The following RBM33 variants were observed in gnomAD, a reference collection of about 807,000 sequenced individuals.
The protein encoded by RBM33 is RNA binding motif protein 33.
Under a neutral mutation model 132.6 loss-of-function variants are expected in RBM33, and 28 were observed. The ratio of observed to expected loss-of-function variants is 0.21; its 90% CI spans 0.16 to 0.29. The LOEUF (loss-of-function observed/expected upper bound fraction) is 0.29. RBM33 is among the 10% of genes least tolerant of loss of function. RBM33 has a pLI of 1.00. For synonymous variants in RBM33, 634 were observed against 593.0 expected (o/e 1.07, Z -1.01); for missense variants, 1,291 against 1,518.5 (o/e 0.85, Z 2.49).
chr7:155,696,951 G>A (rs1047158129), intron 5 of RBM33, among the ~76,000 whole-genome samples: 2 of 152,134 alleles, frequency 1.3e-5, no homozygotes, highest in African/African-American at 2.4e-5. Context: ...TTGAGGTTGT[G>A]GATTTTGGAA....
At chr7:155,773,162 T>C (rs1802486091) in intron 16 of RBM33, among the ~76,000 whole-genome samples, 1 of 152,216 alleles carries the variant, frequency 6.6e-6, no homozygotes, top group Non-Finnish European at 1.5e-5. Flanking sequence ...GAACAGAAGC[T>C]CAGACACAGC....
At chr7:155,758,317 G>A (rs895712482) in intron 14 of RBM33, among the ~76,000 whole-genome samples, 4 of 152,176 alleles carry the variant, frequency 2.6e-5, no homozygotes, top group Admixed American at 6.5e-5. Context: ...CAACCTTACT[G>A]GCACCAGGGA....
chr7:155,645,581 GT>G (rs1193060630), intron 1 of RBM33, among the ~76,000 whole-genome samples: 2 of 152,118 alleles, frequency 1.3e-5, no homozygotes, highest in African/African-American at 2.4e-5. Flanking sequence ...AGTTTTTCTT[GT>G]TTGCAAGCAT....
chr7:155,647,527 C>T (rs1294833177), intron 1 of RBM33, among the ~76,000 whole-genome samples: 2 of 152,046 alleles, frequency 1.3e-5, no homozygotes, highest in Non-Finnish European at 2.9e-5. Flanking sequence ...GACTCCTGGG[C>T]TCAGTTGATT....
intron 14 of RBM33, among the ~76,000 whole-genome samples, chr7:155,746,026 GGGACCGCCTTTGCA>G (rs1230784654): frequency 2.6e-5 from 4 of 152,188 alleles, no homozygotes; most frequent in Non-Finnish European, 4.4e-5. Context: ...ATAACCTCAT[GGGACCGCCTTTGCA>G]GGTGTCGCCC....
At chr7:155,661,097 GGTGT>G (rs59345780) in intron 1 of RBM33, among the ~76,000 whole-genome samples, 11,027 of 109,684 alleles carry the variant, frequency 0.1, 910 homozygotes, top group African/African-American at 0.19. Context: ...GTGTGTGTGT[GGTGT>G]GTGTGTGTGT....
chr7:155,716,230 T>C (rs1800456246), intron 8 of RBM33, among the ~76,000 whole-genome samples: 1 of 151,556 alleles, frequency 6.6e-6, no homozygotes, highest in Non-Finnish European at 1.5e-5. Flanking sequence ...ATCTCTTGGG[T>C]GGGCCAGGTG....
intron 4 of RBM33, 29 bp from the exon 5 acceptor site, chr7:155,680,561 C>CTTTTT: frequency 1.8e-6 from 2 of 1,097,526 alleles, no homozygotes; most frequent in Non-Finnish European, 1.2e-6. Flanking sequence ...TCATTGGGTG[C>CTTTTT]TTTTTTTTTT....
intron 9 of RBM33, among the ~76,000 whole-genome samples, chr7:155,735,614 C>T (rs188343679): frequency 6.6e-6 from 1 of 152,168 alleles, no homozygotes; most frequent in Admixed American, 6.5e-5. Context: ...GGAAGGATCC[C>T]TTGAGCCAAG....
At chr7:155,658,305 T>C (rs952001510) in intron 1 of RBM33, among the ~76,000 whole-genome samples, 3 of 152,172 alleles carry the variant, frequency 2.0e-5, no homozygotes, top group Admixed American at 6.5e-5. Flanking sequence ...GCGTGAAATA[T>C]CTTTTTCCAT....
chr7:155,758,532 C>A (rs1801925130), intron 14 of RBM33, among the ~76,000 whole-genome samples: 2 of 152,190 alleles, frequency 1.3e-5, no homozygotes, highest in African/African-American at 4.8e-5. Flanking sequence ...GGAGCTTAGG[C>A]AGTAATGCTT....
intron 14 of RBM33, among the ~76,000 whole-genome samples, chr7:155,746,930 G>A (rs1221749902): frequency 1.3e-5 from 2 of 152,216 alleles, no homozygotes; most frequent in Non-Finnish European, 2.9e-5. Flanking sequence ...TAGGACATGT[G>A]ATCATGTGAA....
rs778270244 is a variant in RBM33, at chr7:155,680,866, A to G, written c.525A>G (p.Glu175=). ...AGGAGGAGCAGCTTTACACTGATGA[A>G]GTGTTAGACATCGAGATCAATGAAC... ...EPEEEQLYTD[E]VLDIEINEPL... Residue 175 remains glutamate (E), a synonymous_variant, in exon 5 of 18, where the codon GAA becomes GAG. Transcript: ENST00000401878. 6.2e-7 allele frequency: 1 copy of G among 1,613,830 alleles called. No individual in the cohort carries two copies. Among genetic ancestry groups the G allele is most frequent in the Non-Finnish European group, 8.5e-7 (1 of 1,179,814 alleles).
intron 5 of RBM33, among the ~76,000 whole-genome samples, chr7:155,698,794 T>C (rs1223693787): frequency 6.6e-6 from 1 of 152,252 alleles, no homozygotes; most frequent in African/African-American, 2.4e-5. Flanking sequence ...GAGATTGACT[T>C]GTTTTACTCA....
intron 14 of RBM33, among the ~76,000 whole-genome samples, chr7:155,747,805 T>G (rs1330282338): frequency 6.6e-6 from 1 of 152,270 alleles, no homozygotes; most frequent in Non-Finnish European, 1.5e-5. Context: ...AGGGAAGATG[T>G]CTTGTTCGTA....
rs1407326052 is a variant in RBM33, at chr7:155,780,021, A to T, written c.*4980A>T. 6.6e-6 allele frequency: 1 copy of T among 152,264 alleles called. No individual in the cohort carries two copies. The highest frequency in any genetic ancestry group is 1.5e-5 in the Non-Finnish European group (1 of 68,044). 9.4% of individuals were successfully genotyped at this position (152,264 alleles called of 1,614,324 possible). A position where few individuals can be genotyped will look rare whatever the true frequency, so the allele number is the denominator to read the frequency against. ...AATATGTTCCATAGAGTGGATAGGC[A>T]GACAGGTACTATTGTAATGTATTCT... On this transcript the variant is annotated 3_prime_UTR_variant, in exon 18 of 18. Coordinates refer to ENST00000401878, the MANE Select transcript of RBM33 (RefSeq NM_053043.3).
intron 5 of RBM33, among the ~76,000 whole-genome samples, chr7:155,693,470 G>T (rs1365595828): frequency 6.6e-6 from 1 of 151,798 alleles, no homozygotes; most frequent in African/African-American, 2.4e-5. Flanking sequence ...TCTGCTAGAT[G>T]TATTATTTAC....
chr7:155,666,632 A>G (rs1184198793), intron 2 of RBM33, among the ~76,000 whole-genome samples: 1 of 152,216 alleles, frequency 6.6e-6, no homozygotes, highest in East Asian at 1.9e-4. Flanking sequence ...GGTGAGCTGA[A>G]TAAAATATTA....
At chr7:155,666,267 G>A (rs1389723046) in intron 2 of RBM33, among the ~76,000 whole-genome samples, 1 of 152,166 alleles carries the variant, frequency 6.6e-6, no homozygotes, top group African/African-American at 2.4e-5. Context: ...GAGCCTGGAG[G>A]CCTGAGAACC....
Sources: allele counts gnomAD v4.1 joint callset (sites outside exome capture counted in the v4.1 genomes callset), GRCh38; gene constraint gnomAD v4.1.1; transcripts MANE v1.5; gene names NCBI Gene and HGNC (gene_info 2026-07-23, HGNC 2026-07-21).